Variants in FTO observed in about 807,000 individuals in gnomAD.
The protein encoded by FTO is FTO alpha-ketoglutarate dependent dioxygenase.
A neutral mutation model predicts 63.9 loss-of-function variants in FTO; 47 were observed. The ratio of observed to expected loss-of-function variants is 0.74; its 90% CI spans 0.58 to 0.94. The LOEUF (loss-of-function observed/expected upper bound fraction) is 0.94. Among genes scored for constraint, FTO ranks in the 40% least tolerant of loss-of-function variants. The pLI is 0.00. For synonymous variants in FTO, 207 were observed against 224.4 expected, an observed-to-expected ratio of 0.92 and a Z score of 0.69; for missense variants, 562 against 618.1, an observed-to-expected ratio of 0.91 and a Z score of 0.96.
intron 1 of FTO, among the ~76,000 whole-genome samples, chr16:53,727,343 T>C (rs1425734386): frequency 6.6e-6 from 1 of 152,222 alleles, no homozygotes; most frequent in Admixed American, 6.5e-5. Context: ...ACGTTTACTT[T>C]GGTCTCTATG....
intron 4 of FTO, among the ~76,000 whole-genome samples, chr16:53,847,504 A>G (rs1424105233): frequency 6.6e-6 from 1 of 152,150 alleles, no homozygotes; most frequent in Non-Finnish European, 1.5e-5. Context: ...GCAGTGGCTC[A>G]CACCTGTAAT....
At chr16:53,744,207 A>T (rs1477186181) in intron 1 of FTO, among the ~76,000 whole-genome samples, 1 of 152,094 alleles carries the variant, frequency 6.6e-6, no homozygotes. Flanking sequence ...TTAGGTTCAG[A>T]CTCGGAGCTC....
chr16:53,743,441 A>T (rs1449646784), intron 1 of FTO, among the ~76,000 whole-genome samples: 1 of 150,252 alleles, frequency 6.7e-6, no homozygotes, highest in Non-Finnish European at 1.5e-5. Context: ...TTTACTTTCC[A>T]CTCCTGTTCC....
intron 2 of FTO, among the ~76,000 whole-genome samples, chr16:53,815,191 A>C (rs952951358): frequency 1.3e-5 from 2 of 152,050 alleles, no homozygotes; most frequent in Non-Finnish European, 2.9e-5. Context: ...AGGCATGAGA[A>C]GGCTTGGAGC....
chr16:53,960,938 G>A (rs1396577719), intron 8 of FTO, among the ~76,000 whole-genome samples: 4 of 152,128 alleles, frequency 2.6e-5, no homozygotes, highest in Non-Finnish European at 4.4e-5. Flanking sequence ...ACTGGTGCTC[G>A]TCATTTTTGT....
At chr16:53,768,669 G>T (rs1385180892) in intron 1 of FTO, among the ~76,000 whole-genome samples, 1 of 152,154 alleles carries the variant, frequency 6.6e-6, no homozygotes, top group Admixed American at 6.5e-5. Context: ...GAGTCATTTT[G>T]GGGGTGGTTT....
chr16:53,774,935 A>T (rs1289058489), intron 1 of FTO, among the ~76,000 whole-genome samples: 2 of 152,194 alleles, frequency 1.3e-5, no homozygotes. Flanking sequence ...TTATTGCCTC[A>T]TGACTATGTT....
chr16:53,721,038 C>T (rs1180791628), intron 1 of FTO, among the ~76,000 whole-genome samples: 3 of 152,108 alleles, frequency 2.0e-5, no homozygotes, highest in Admixed American at 1.3e-4. Flanking sequence ...TATCTGCCTG[C>T]CTTGGTCTCC....
chr16:53,726,277 TTC>T (rs1385853447), intron 1 of FTO, among the ~76,000 whole-genome samples: 5 of 152,232 alleles, frequency 3.3e-5, no homozygotes, highest in African/African-American at 1.2e-4. Context: ...ATATTCACAG[TTC>T]TCATAATAGT....
At chr16:53,710,168 TTTTATTTATTTA>T (rs10685934) in intron 1 of FTO, among the ~76,000 whole-genome samples, 3 of 150,836 alleles carry the variant, frequency 2.0e-5, no homozygotes, top group Non-Finnish European at 2.9e-5. Flanking sequence ...GCAAGCTATC[TTTTATTTATTTA>T]TTTATTTATT....
chr16:54,028,591 A>G (rs2084766257), intron 8 of FTO, among the ~76,000 whole-genome samples: 1 of 152,228 alleles, frequency 6.6e-6, no homozygotes, highest in South Asian at 2.1e-4. Context: ...CCATGTCACT[A>G]AAATCTGTGT....
intron 8 of FTO, among the ~76,000 whole-genome samples, chr16:54,041,580 CT>C (rs2144278418): frequency 6.6e-6 from 1 of 152,266 alleles, no homozygotes; most frequent in African/African-American, 2.4e-5. Context: ...AAGATTTCCA[CT>C]GTTTAGACCG....
chr16:53,741,097 T>A (rs1386131854), intron 1 of FTO, among the ~76,000 whole-genome samples: 1 of 152,222 alleles, frequency 6.6e-6, no homozygotes, highest in Non-Finnish European at 1.5e-5. Flanking sequence ...AATTTAAAAT[T>A]GTTTCCCCAA....
At chr16:53,905,814 A>G (rs960806016) in intron 7 of FTO, among the ~76,000 whole-genome samples, 2 of 152,194 alleles carry the variant, frequency 1.3e-5, no homozygotes, top group Non-Finnish European at 2.9e-5. Flanking sequence ...TATTGGATGA[A>G]CAAGTGAAGA....
chr16:53,832,488 C>T (rs1303411886), intron 3 of FTO, among the ~76,000 whole-genome samples: 1 of 152,028 alleles, frequency 6.6e-6, no homozygotes, highest in Non-Finnish European at 1.5e-5. Flanking sequence ...GAAATCCTGG[C>T]CTGAAGAGAT....
intron 1 of FTO, among the ~76,000 whole-genome samples, chr16:53,724,576 C>A (rs2076110070): frequency 6.6e-6 from 1 of 152,230 alleles, no homozygotes; most frequent in African/African-American, 2.4e-5. Flanking sequence ...AGGGCTAGCT[C>A]CTCCTCTTGA....
intron 7 of FTO, among the ~76,000 whole-genome samples, chr16:53,895,088 T>C (rs892221399): frequency 2.0e-5 from 3 of 152,174 alleles, no homozygotes; most frequent in African/African-American, 7.2e-5. Context: ...TTCTCCTTCC[T>C]ACCCACCCAC....
At chr16:53,815,225 C>T (rs2078641737) in intron 2 of FTO, among the ~76,000 whole-genome samples, 1 of 152,172 alleles carries the variant, frequency 6.6e-6, no homozygotes, top group Admixed American at 6.5e-5. Flanking sequence ...ATGTCACTTA[C>T]ATTTTAATAA....
intron 2 of FTO, among the ~76,000 whole-genome samples, chr16:53,817,206 T>G (rs567850007): frequency 6.6e-6 from 1 of 152,206 alleles, no homozygotes; most frequent in African/African-American, 2.4e-5. Flanking sequence ...AATGAATGAA[T>G]GAACGAGGAT....
Sources: allele counts gnomAD v4.1 joint callset (sites outside exome capture counted in the v4.1 genomes callset), GRCh38; gene constraint gnomAD v4.1.1; transcripts MANE v1.5; gene names NCBI Gene and HGNC (gene_info 2026-07-23, HGNC 2026-07-21).